Variants in FLNC observed in about 807,000 individuals in gnomAD.
FLNC encodes filamin C.
Under a neutral mutation model 254.3 loss-of-function variants are expected in FLNC, and 91 were observed. The observed-to-expected ratio is 0.36, with a 90% confidence interval of 0.30 to 0.43. FLNC has a LOEUF of 0.43. Among genes scored for constraint, FLNC ranks in the 20% least tolerant of loss-of-function variants. The pLI is 1.00. For missense variants in FLNC, 2,853 were observed against 3,802.6 expected (o/e 0.75, Z 6.57); for synonymous variants, 1,430 against 1,577.2 (o/e 0.91, Z 2.21).
chr7:128,849,628 G>A (rs1482410791), intron 30 of FLNC, 50 bp downstream of exon 30: 1 of 1,602,854 alleles, frequency 6.2e-7, no homozygotes, highest in Non-Finnish European at 8.5e-7. Flanking sequence ...GGGGGGCCTG[G>A]CCCTTTTAGC....
At position 128,837,164 on chromosome 7, in the gene FLNC, C is replaced by G. The variant is rs1246016210; in HGVS notation, c.606C>G (p.Leu202=). 12 of 1,598,602 alleles carry G rather than the reference C, an allele frequency of 7.5e-6. No homozygotes were observed. Among genetic ancestry groups the G allele is most frequent in the Non-Finnish European group, 1.0e-5 (12 of 1,173,084 alleles). ...CTCCCTCCATCACCTCTCCAGGTCT[C>G]TGCCCCGACTGGGAGGCCTGGGACC... ...GALVDNCAPG[L]CPDWEAWDPN... Residue 202 remains leucine (L), a synonymous_variant, in exon 3 of 48, where the codon CTC becomes CTG. Transcript: ENST00000325888.
Position 128,842,478 on chromosome 7 carries a change from G to C in FLNC, c.2266-97G>C. 1 of 1,582,738 alleles carries C rather than the reference G, an allele frequency of 6.3e-7. No homozygotes were observed. Among genetic ancestry groups the C allele is most frequent in the South Asian group, 1.1e-5 (1 of 88,168 alleles). ...GTCCCTGGGCTCAGGCTGGGACTGA[G>C]GCTTGGGCTGGTGCCACTGAGGCTG... On this transcript the variant is annotated intron_variant, in intron 14 of 47. Coordinates refer to ENST00000325888, the MANE Select transcript of FLNC (RefSeq NM_001458.5). This position sits in a 1 kb window ranked among gnomAD's most constrained non-coding sequence, Gnocchi z 5.4.
rs1394723230 is a variant in FLNC, at chr7:128,857,166, C to T, written c.7610C>T (p.Ala2537Val). Residue 2537 changes from alanine (A) to valine (V), a missense_variant, in exon 46 of 48, where the codon GCC becomes GTC. By Grantham distance (64) the Ala-to-Val change is moderately conservative. This residue lies in a region of FLNC where 197 missense variants were observed against 351.5 expected (regional missense o/e 0.56). Transcript: ENST00000325888. The surrounding 1 kb of genome is among the most constrained non-coding windows in gnomAD (Gnocchi z 4.5). ...IVNTLNAGSG[A>V]LSVTIDGPSK... is the part of the protein sequence containing the mutation. ...AACACCCTGAATGCCGGCTCGGGGG[C>T]CTTGTCTGTCACCATTGATGGCCCC... is the stretch of plus-strand genomic sequence containing the variant. 6 of 1,613,950 alleles carry T rather than the reference C, an allele frequency of 3.7e-6. No individual in the cohort carries two copies. The Admixed American group carries it at 1.0e-4, about 27-fold the overall frequency.
Position 128,854,394 on chromosome 7 carries a change from C to A in FLNC, c.6728-19C>A. ...AGGAGGAATCCCAGTGTTGCCCTGA[C>A]ATCCCCCAAACCCTGCAGGTGAGGC... On this transcript the variant is annotated intron_variant, in intron 40 of 47. Transcript: ENST00000325888. The A allele has an allele frequency of 1.9e-6, 3 of 1,606,788 alleles. No individual in the cohort carries two copies. The South Asian group carries it at 3.3e-5, about 18-fold the overall frequency.
intron 1 of FLNC, among the ~76,000 whole-genome samples, chr7:128,833,173 C>G (rs1023276312): frequency 6.7e-6 from 1 of 149,680 alleles, no homozygotes; most frequent in African/African-American, 2.4e-5. Flanking sequence ...TCCCTCCGAA[C>G]AAAGAGGCCT....
chr7:128,840,859 G>A lies in FLNC; in HGVS notation c.1702G>A (p.Glu568Lys), dbSNP rs368225111. The A allele has an allele frequency of 6.2e-7, 1 of 1,613,908 alleles. No individual in the cohort carries two copies. Among genetic ancestry groups the A allele is most frequent in the Non-Finnish European group, 8.5e-7 (1 of 1,179,998 alleles). ...CCCCTTTGAGGTACAGGTGAGCCCA[G>A]AGGCAGGAGTGCAAAAGGTCCGGGC... ...RSPFEVQVSP[E>K]AGVQKVRAWG... The change falls in exon 11 of 48, where the codon GAG (glutamate) becomes AAG (lysine). Residue 568 changes from glutamate (E) to lysine (K), a missense_variant. By Grantham distance (56) the Glu-to-Lys change is moderately conservative. This residue lies in a region of FLNC where 1,573 missense variants were observed against 1,883.5 expected (regional missense o/e 0.84). Transcript: ENST00000325888.
At position 128,847,881 on chromosome 7, in the gene FLNC, G is replaced by T. The variant is rs1231048610; in HGVS notation, c.4456+17G>T. Reference sequence around the variant, plus strand: ...GCCCCACAGGTATAGAATGGCCGGGGCAGGGAGGAGGGAGGTGGGGCGGGA... The same window carrying T: ...GCCCCACAGGTATAGAATGGCCGGGTCAGGGAGGAGGGAGGTGGGGCGGGA... On this transcript the variant is annotated intron_variant, in intron 25 of 47. Coordinates refer to ENST00000325888, the MANE Select transcript of FLNC (RefSeq NM_001458.5). 6.2e-7 allele frequency: 1 copy of T among 1,613,874 alleles called. No homozygotes were observed. Among genetic ancestry groups the T allele is most frequent in the Admixed American group, 1.7e-5 (1 of 60,026 alleles).
intron 2 of FLNC, 23 bp from the exon 3 acceptor site, chr7:128,837,137 G>A (rs745828378): frequency 1.4e-5 from 21 of 1,542,706 alleles, no homozygotes; most frequent in African/African-American, 1.1e-4. Context: ...CCTCACCATC[G>A]TCTCCCTCCA....
chr7:128,838,602 G>A lies in FLNC; in HGVS notation c.1211-1G>A. The A allele has an allele frequency of 6.2e-7, 1 of 1,612,950 alleles. No homozygotes were observed. ...GTGCTGACAGCCTCTGTTTTCGGCA[G>A]GGGCCGGCACTGGCGATGTTGCTGT... On this transcript the variant is annotated splice_acceptor_variant, in intron 7 of 47. Transcript: ENST00000325888. LOFTEE classifies it high-confidence loss of function.
chr7:128,847,213 C>T (rs1322835873), intron 24 of FLNC, among the ~76,000 whole-genome samples: 1 of 152,264 alleles, frequency 6.6e-6, no homozygotes. Context: ...ACACAGTCCA[C>T]TCCTCTTGGC....
rs376257910 is a variant in FLNC, at chr7:128,855,285, G to A, written c.7222G>A (p.Ala2408Thr). The A allele has an allele frequency of 3.7e-6, 6 of 1,612,944 alleles. No homozygotes were observed. Among genetic ancestry groups the A allele is most frequent in the African/African-American group, 1.3e-5 (1 of 74,888 alleles). ...VVPVASLSDD[A>T]RRLTVTSLQE... ...GCCTGTGGCCTCCCTCTCGGATGACGCTCGCCGTCTCACTGTCACCAGCCT... is the reference window on the plus strand; with the variant it reads ...GCCTGTGGCCTCCCTCTCGGATGACACTCGCCGTCTCACTGTCACCAGCCT... The change falls in exon 43 of 48, where the codon GCT becomes ACT. Residue 2408 changes from alanine to threonine, a missense_variant. Physicochemically the swap from Ala to Thr is moderately conservative, Grantham distance 58. Coordinates refer to ENST00000325888, the MANE Select transcript of FLNC (RefSeq NM_001458.5).
rs1808664745 is a variant in FLNC, at chr7:128,848,579, C to T, written c.4599C>T (p.Val1533=). 1.9e-6 allele frequency: 3 copies of T among 1,613,852 alleles called. No homozygotes were observed. The highest frequency in any genetic ancestry group is 2.5e-6 in the Non-Finnish European group (3 of 1,180,030). The change falls in exon 27 of 48, where the codon GTC becomes GTT. Residue 1533 remains valine, a synonymous_variant. Coordinates refer to ENST00000325888, the MANE Select transcript of FLNC (RefSeq NM_001458.5). The part of the protein sequence containing the change: ...EVPRSPFKIK[V]LPAHDASKVR... The stretch of plus-strand genomic sequence containing the variant: ...CCTCAAGCCCCTTCAAGATCAAGGT[C>T]CTCCCAGCTCATGATGCCAGCAAGG...
chr7:128,838,935 C>T (rs1160327816), intron 8 of FLNC, 132 bp downstream of exon 8: 2 of 775,538 alleles, frequency 2.6e-6, no homozygotes, highest in African/African-American at 3.5e-5. Context: ...CCCAAGGTGG[C>T]TGGAGTTCCT....
chr7:128,838,698 T>C lies in FLNC; in HGVS notation c.1306T>C (p.Phe436Leu). Reference sequence around the variant, plus strand: ...CCTGGAGGACAAGGGTGACAGCACGTTCCGCTGCACATACAGACCTGCCAT... The same window carrying C: ...CCTGGAGGACAAGGGTGACAGCACGCTCCGCTGCACATACAGACCTGCCAT... Reference protein sequence around the residue: ...VALEDKGDSTFRCTYRPAMEG... With the variant: ...VALEDKGDSTLRCTYRPAMEG... The change falls in exon 8 of 48, where the codon TTC becomes CTC. Residue 436 changes from phenylalanine (F) to leucine (L), a missense_variant. This residue lies in a region of FLNC where 1,573 missense variants were observed against 1,883.5 expected (regional missense o/e 0.84). Transcript: ENST00000325888. The C allele has an allele frequency of 1.2e-6, 2 of 1,612,978 alleles. No individual in the cohort carries two copies. Among genetic ancestry groups the C allele is most frequent in the Non-Finnish European group, 1.7e-6 (2 of 1,179,986 alleles).
chr7:128,842,152 G>A lies in FLNC; in HGVS notation c.2122-79G>A. The A allele has an allele frequency of 5.5e-6, 8 of 1,461,210 alleles. No individual in the cohort carries two copies. The highest frequency in any genetic ancestry group is 7.5e-6 in the Non-Finnish European group (8 of 1,061,662). The allele number at this position is 1,461,210 out of a possible 1,614,324, so 90.5% of individuals were successfully genotyped here. A position where few individuals can be genotyped will look rare whatever the true frequency, so the allele number is the denominator to read the frequency against. Reference sequence around the variant, plus strand: ...GCCAGTGTTGGGGGTGGGAAAGGAGGCGCTGGGTTCACCTGCGGCCAGCAG... The same window carrying A: ...GCCAGTGTTGGGGGTGGGAAAGGAGACGCTGGGTTCACCTGCGGCCAGCAG... On this transcript the variant is annotated intron_variant, in intron 13 of 47. Coordinates refer to ENST00000325888, the MANE Select transcript of FLNC (RefSeq NM_001458.5). This position sits in a 1 kb window ranked among gnomAD's most constrained non-coding sequence, Gnocchi z 5.4.
In FLNC at chr7:128,853,829, A is replaced by G. The variant is rs758431551; in HGVS notation, c.6476A>G (p.Lys2159Arg). 5 of 1,613,410 alleles carry G rather than the reference A, an allele frequency of 3.1e-6. No individual in the cohort carries two copies. Among genetic ancestry groups the G allele is most frequent in the Non-Finnish European group, 4.2e-6 (5 of 1,179,990 alleles). ...GGCAGCACCTGTGACCTCAACCTCA[A>G]GATCCCAGGTAGAAGCCTGGAGGAC... is the stretch of plus-strand genomic sequence containing the variant. Reference protein sequence around the residue: ...TIGSTCDLNLKIPGNWFQMVS... With the variant: ...TIGSTCDLNLRIPGNWFQMVS... Residue 2159 changes from lysine (K) to arginine (R), a missense_variant, in exon 39 of 48, where the codon AAG becomes AGG. Lys to Arg is a conservative substitution (Grantham distance 26). Coordinates refer to ENST00000325888, the MANE Select transcript of FLNC (RefSeq NM_001458.5).
chr7:128,844,129 G>C lies in FLNC; in HGVS notation c.3055G>C (p.Gly1019Arg). ...RPIPCKLEPG[G>R]GAEAQAVRYM... is the part of the protein sequence containing the mutation. ...CATCCCCTGCAAGCTGGAGCCAGGC[G>C]GTGGAGCGGAAGCCCAGGCTGTGCG... The change falls in exon 20 of 48, where the codon GGT becomes CGT. Residue 1019 changes from glycine to arginine, a missense_variant. Transcript: ENST00000325888. 2 of 1,613,964 alleles carry C rather than the reference G, an allele frequency of 1.2e-6. No individual in the cohort carries two copies. Among genetic ancestry groups the C allele is most frequent in the Non-Finnish European group, 1.7e-6 (2 of 1,180,042 alleles).
chr7:128,830,658 C>T lies in FLNC; in HGVS notation c.21C>T (p.Tyr7=), dbSNP rs201179596. The change falls in exon 1 of 48, where the codon TAC becomes TAT. Residue 7 remains tyrosine, a synonymous_variant. Coordinates refer to ENST00000325888, the MANE Select transcript of FLNC (RefSeq NM_001458.5). MMNNSG[Y]SDAGLGLGDE... ...CCAGCATGATGAACAACAGCGGCTA[C>T]TCAGACGCCGGCCTCGGCCTGGGCG... 1.9e-6 allele frequency: 3 copies of T among 1,612,042 alleles called. No individual in the cohort carries two copies. The highest frequency in any genetic ancestry group is 2.5e-6 in the Non-Finnish European group (3 of 1,179,808).
chr7:128,839,715 A>G (rs886635536), intron 8 of FLNC, among the ~76,000 whole-genome samples: 1 of 152,206 alleles, frequency 6.6e-6, no homozygotes, highest in African/African-American at 2.4e-5. Context: ...AGGGCTCTAG[A>G]TGGATGGCCT....
Sources: allele counts gnomAD v4.1 joint callset (sites outside exome capture counted in the v4.1 genomes callset), GRCh38; gene constraint gnomAD v4.1.1; regional missense constraint gnomAD v4.1.1; non-coding constraint Gnocchi (gnomAD v3.1); transcripts MANE v1.5; gene names NCBI Gene and HGNC (gene_info 2026-07-23, HGNC 2026-07-21).